GANAB: variants seen among roughly 807,000 people sequenced by gnomAD.
GANAB encodes glucosidase II alpha subunit.
In GANAB, 35 loss-of-function variants were observed where a neutral mutation model predicts 129.9. The ratio of observed to expected loss-of-function variants is 0.27; its 90% CI spans 0.21 to 0.36. The LOEUF is 0.36. GANAB is among the 10% of genes least tolerant of loss of function. The probability of loss-of-function intolerance (pLI) is 1.00; values close to 1 mark genes in which losing one functional copy is unlikely to be tolerated. For synonymous variants in GANAB, 482 were observed against 451.8 expected (o/e 1.07, Z -0.85); for missense variants, 939 against 1,221.0 (o/e 0.77, Z 3.44).
At chr11:62,633,341 A>C in intron 6 of GANAB, 70 bp from the exon 7 acceptor site, 1 of 1,532,270 alleles carries the variant, frequency 6.5e-7, no homozygotes, top group Non-Finnish European at 9.0e-7. Context: ...CATCAACTAA[A>C]TCCCATCCCT....
chr11:62,626,702 C>T lies in GANAB; in HGVS notation c.2398-18G>A. On this transcript the variant is annotated intron_variant, in intron 20 of 23. Transcript: ENST00000356638. ...ACAGGGATCTAGGGCAAGAGCAATG[C>T]CAGGATGAAGTTGCCCCCTTGTCCA... 6.5e-7 allele frequency: 1 copy of T among 1,540,832 alleles called. No homozygotes were observed. The highest frequency in any genetic ancestry group is 8.9e-7 in the Non-Finnish European group (1 of 1,122,758).
chr11:62,629,882 G>A lies in GANAB; in HGVS notation c.1669C>T (p.Leu557Phe), dbSNP rs1472269655. The change falls in exon 14 of 24, where the codon CTC (leucine) becomes TTC (phenylalanine). Residue 557 changes from leucine to phenylalanine, a missense_variant. Leu to Phe is a conservative substitution (Grantham distance 22). Around this residue, in one of 5 missense-constraint regions of GANAB, gnomAD observed 147 missense variants for 282.4 expected, o/e 0.52. Coordinates refer to ENST00000356638, the MANE Select transcript of GANAB (RefSeq NM_198334.3). ...CCCCCATAATGCTGGGCATCCTTGA[G>A]CATGGTGACCTCAGGACCATTGAAC... ...SVFNGPEVTMLKDAQHYGGWE... is the reference protein window; with the variant it reads ...SVFNGPEVTMFKDAQHYGGWE... 3 of 1,614,038 alleles carry A rather than the reference G, an allele frequency of 1.9e-6. No homozygotes were observed. Among genetic ancestry groups the A allele is most frequent in the Admixed American group, 3.3e-5 (2 of 60,020 alleles).
intron 1 of GANAB, among the ~76,000 whole-genome samples, chr11:62,646,144 G>A (rs890467817): frequency 6.6e-6 from 1 of 152,298 alleles, no homozygotes; most frequent in Admixed American, 6.5e-5. Flanking sequence ...CTGCTGGCCC[G>A]GTGCTTCCAG....
chr11:62,625,855 C>A lies in GANAB; in HGVS notation c.2795G>T (p.Gly932Val). The change falls in exon 24 of 24, where the codon GGC becomes GTC. Residue 932 changes from glycine (G) to valine (V), a missense_variant. By Grantham distance (109) the Gly-to-Val change is moderately radical. Coordinates refer to ENST00000356638, the MANE Select transcript of GANAB (RefSeq NM_198334.3). ...ACTCCAATCAGATGCCACATTGATG[C>A]CAGGCTTGCGCAGGACCAACACAGA... ...ETSVLVLRKP[G>V]INVASDWSIH... The A allele has an allele frequency of 6.2e-7, 1 of 1,613,592 alleles. No individual in the cohort carries two copies. Among genetic ancestry groups the A allele is most frequent in the Non-Finnish European group, 8.5e-7 (1 of 1,179,560 alleles).
Position 62,644,457 on chromosome 11 carries a change from T to TAAA in GANAB, c.38+2102_38+2104dup, listed in dbSNP as rs777738232. 2.0e-4 allele frequency among the ~76,000 whole-genome samples: 28 copies of TAAA among 142,360 alleles called. No individual in the cohort carries two copies. In the South Asian group the frequency reaches 5.6e-3, roughly 28 times the overall value. 93.4% of individuals were successfully genotyped at this position (142,360 alleles called of 152,430 possible). On this transcript the variant is annotated intron_variant, in intron 1 of 23. Coordinates refer to ENST00000356638, the MANE Select transcript of GANAB (RefSeq NM_198334.3). ...AACACAGCAAGACCTCGTCTCTACTTAAAAAAAAAAAAGAGTAGCAAGGCA... is the reference window on the plus strand; with the variant it reads ...AACACAGCAAGACCTCGTCTCTACTTAAAAAAAAAAAAAAAGAGTAGCAAGGCA...
At position 62,635,098 on chromosome 11, in the gene GANAB, T is replaced by C. The variant is rs576089379; in HGVS notation, c.381-98A>G. On this transcript the variant is annotated intron_variant, in intron 4 of 23. Transcript: ENST00000356638. Reference sequence around the variant, plus strand: ...GGGGAAATCTACCTGTTAAGAGAAATAGGCAGTGTGGTAACAGAGCAGGGA... The same window carrying C: ...GGGGAAATCTACCTGTTAAGAGAAACAGGCAGTGTGGTAACAGAGCAGGGA... 223 of 834,144 alleles carry C rather than the reference T, an allele frequency of 2.7e-4. 1 individual carries two copies. The South Asian group carries it at 2.9e-3, about 11-fold the overall frequency. The allele number at this position is 834,144 out of a possible 1,614,324, so 51.7% of individuals were successfully genotyped here.
In GANAB at chr11:62,633,172, C is replaced by T. The variant is rs1265040694; in HGVS notation, c.718+12G>A. The T allele has an allele frequency of 5.6e-6, 9 of 1,612,134 alleles. No individual in the cohort carries two copies. The highest frequency in any genetic ancestry group is 1.3e-5 in the African/African-American group (1 of 74,832). Reference sequence around the variant, plus strand: ...GCCCTGCACCCCAGCCCAAGGAACCCGAGCCCCTCACCATACGGCTTGCTG... The same window carrying T: ...GCCCTGCACCCCAGCCCAAGGAACCTGAGCCCCTCACCATACGGCTTGCTG... On this transcript the variant is annotated intron_variant, in intron 7 of 23. Transcript: ENST00000356638.
intron 10 of GANAB, 30 bp downstream of exon 10, chr11:62,631,000 C>A: frequency 1.3e-6 from 2 of 1,583,808 alleles, no homozygotes; most frequent in Non-Finnish European, 8.6e-7. Flanking sequence ...AAGAAAAGAG[C>A]AGAAGAATGA....
chr11:62,626,531 C>T (rs1381398168), intron 21 of GANAB, 40 bp downstream of exon 21: 1 of 1,516,262 alleles, frequency 6.6e-7, no homozygotes, highest in Non-Finnish European at 9.2e-7. Flanking sequence ...CCTAGGAAGG[C>T]AGGCAAATGG....
chr11:62,627,671 A>T (rs1943461888), intron 17 of GANAB, among the ~76,000 whole-genome samples: 1 of 152,028 alleles, frequency 6.6e-6, no homozygotes, highest in Non-Finnish European at 1.5e-5. Flanking sequence ...GGCGGAGTGC[A>T]TTCAGTGAGC....
intron 1 of GANAB, among the ~76,000 whole-genome samples, chr11:62,642,582 C>T (rs1043440681): frequency 2.0e-5 from 3 of 152,000 alleles, no homozygotes; most frequent in African/African-American, 7.2e-5. Flanking sequence ...TTACAGGTGC[C>T]CACCACCATG....
intron 1 of GANAB, chr11:62,640,031 C>CG: frequency 3.4e-6 from 1 of 291,912 alleles, no homozygotes; most frequent in Non-Finnish European, 6.6e-6. Context: ...GTCAGGAGAT[C>CG]AAGACCATCC....
chr11:62,642,533 C>T lies in GANAB; in HGVS notation c.39-2802G>A, dbSNP rs1944314252. Among the ~76,000 whole-genome samples, 3 of 151,730 alleles carry T rather than the reference C, an allele frequency of 2.0e-5. No individual in the cohort carries two copies. The South Asian group carries it at 6.2e-4, about 31-fold the overall frequency. On this transcript the variant is annotated intron_variant, in intron 1 of 23. Transcript: ENST00000356638. ...CACTGCAACCTCTGCCTCCTGGGTT[C>T]AAGCGATTCTCCCGCCTCAGCCTCC...
chr11:62,630,008 GACAA>G (rs760386872), intron 13 of GANAB, 51 bp from the exon 14 acceptor site: 14 of 1,581,976 alleles, frequency 8.8e-6, no homozygotes, highest in African/African-American at 1.3e-5. Flanking sequence ...GGAGGAAGAA[GACAA>G]ACAGTGTCAG....
At chr11:62,631,239 C>T (rs1943664913) in intron 9 of GANAB, 56 bp from the exon 10 acceptor site, 3 of 1,473,664 alleles carry the variant, frequency 2.0e-6, no homozygotes, top group Non-Finnish European at 2.7e-6. Flanking sequence ...TTTTCCAACC[C>T]CAAGACAAAA....
rs528369334 is a variant in GANAB, at chr11:62,639,333, C to T, written c.252+26G>A. 6 of 1,484,578 alleles carry T rather than the reference C, an allele frequency of 4.0e-6. No homozygotes were observed. The Admixed American group carries it at 8.4e-5, about 21-fold the overall frequency. The allele number at this position is 1,484,578 out of a possible 1,614,324, so 92.0% of individuals were successfully genotyped here. ...CCCCACAGCCATTGCCCCACCCCCA[C>T]CAGACTCTTCCTTGTCTCTCCTGAC... On this transcript the variant is annotated intron_variant, in intron 3 of 23. Coordinates refer to ENST00000356638, the MANE Select transcript of GANAB (RefSeq NM_198334.3).
At chr11:62,634,483 G>A in intron 5 of GANAB, 1 of 742,124 alleles carries the variant, frequency 1.3e-6, no homozygotes. Context: ...GAGATGGGGG[G>A]AAAAAGAAAC....
At chr11:62,636,475 T>A (rs1371062766) in intron 4 of GANAB, among the ~76,000 whole-genome samples, 1 of 151,432 alleles carries the variant, frequency 6.6e-6, no homozygotes, top group Non-Finnish European at 1.5e-5. Context: ...TAACCCGATC[T>A]CAAAATAAGT....
At chr11:62,643,910 C>A (rs564414363) in intron 1 of GANAB, among the ~76,000 whole-genome samples, 1 of 152,198 alleles carries the variant, frequency 6.6e-6, no homozygotes, top group African/African-American at 2.4e-5. Flanking sequence ...GAATTACAGG[C>A]GTGAGCCACT....
Sources: gnomAD v4.1 joint callset for allele counts (sites outside exome capture counted in the v4.1 genomes callset) on GRCh38, gnomAD v4.1.1 for gene constraint, gnomAD v4.1.1 regional missense constraint, MANE v1.5 for transcripts, NCBI Gene and HGNC (gene_info 2026-07-23, HGNC 2026-07-21) for gene names.